The following NPEPPS variants were observed in gnomAD, a reference collection of about 807,000 sequenced individuals.
NPEPPS encodes puromycin-sensitive aminopeptidase.
A neutral mutation model predicts 115.5 loss-of-function variants in NPEPPS; 14 were observed. The ratio of observed to expected loss-of-function variants is 0.12; its 90% CI spans 0.08 to 0.19. The LOEUF (loss-of-function observed/expected upper bound fraction) is 0.19, where lower values mean the gene tolerates loss of function less well. Among genes scored for constraint, NPEPPS ranks in the 10% least tolerant of loss-of-function variants. The pLI is 1.00. For missense variants in NPEPPS, 523 were observed against 1,110.8 expected, an observed-to-expected ratio of 0.47 and a Z score of 7.52; for synonymous variants, 285 against 390.6, an observed-to-expected ratio of 0.73 and a Z score of 3.19.
chr17:47,544,368 A>G (rs531072684), intron 1 of NPEPPS, among the ~76,000 whole-genome samples: 2 of 152,198 alleles, frequency 1.3e-5, no homozygotes, highest in Non-Finnish European at 2.9e-5. Context: ...TTTTGACATA[A>G]TTTATAGTGT....
At chr17:47,609,169 C>G (rs1004058483) in intron 17 of NPEPPS, among the ~76,000 whole-genome samples, 2 of 152,044 alleles carry the variant, frequency 1.3e-5, no homozygotes, top group Non-Finnish European at 2.9e-5. Flanking sequence ...GGAGAAAATT[C>G]ATGTTTTGTG....
At chr17:47,614,956 T>C (rs1488770085) in intron 19 of NPEPPS, among the ~76,000 whole-genome samples, 1 of 152,198 alleles carries the variant, frequency 6.6e-6, no homozygotes, top group Non-Finnish European at 1.5e-5. Flanking sequence ...AATTCTGATA[T>C]TTTGGTTTTA....
At chr17:47,603,892 G>A in intron 15 of NPEPPS, 23 bp from the exon 16 acceptor site, 1 of 1,585,790 alleles carries the variant, frequency 6.3e-7, no homozygotes, top group Middle Eastern at 1.7e-4. Context: ...CTGTTTAATA[G>A]TACTTACTGG....
At chr17:47,575,128 C>T (rs1269646191) in intron 3 of NPEPPS, among the ~76,000 whole-genome samples, 1 of 152,172 alleles carries the variant, frequency 6.6e-6, no homozygotes, top group Non-Finnish European at 1.5e-5. Flanking sequence ...ATTTGAAATT[C>T]AAATGCTATG....
intron 2 of NPEPPS, among the ~76,000 whole-genome samples, chr17:47,569,046 T>TCTTTAA (rs1567851205): frequency 6.6e-6 from 1 of 152,220 alleles, no homozygotes; most frequent in Non-Finnish European, 1.5e-5. Flanking sequence ...CCTTGATGTA[T>TCTTTAA]CTTTAACACT....
chr17:47,612,600 C>A lies in NPEPPS; in HGVS notation c.2236C>A (p.Pro746Thr). The A allele has an allele frequency of 6.2e-7, 1 of 1,612,642 alleles. No individual in the cohort carries two copies. The highest frequency in any genetic ancestry group is 8.5e-7 in the Non-Finnish European group (1 of 1,179,414). ...KQILSADLRS[P>T]VYLTVLKHGD... The stretch of plus-strand genomic sequence containing the variant: ...GATTCTCTCCGCTGATCTGAGGAGT[C>A]CTGTAGGTTTTCATCATAAATTCCC... The change falls in exon 18 of 23, where the codon CCT (proline) becomes ACT (threonine). Residue 746 changes from proline (P) to threonine (T), a missense_variant and splice_region_variant. Transcript: ENST00000322157.
intron 10 of NPEPPS, among the ~76,000 whole-genome samples, chr17:47,591,325 C>T (rs970615536): frequency 1.7e-4 from 26 of 151,894 alleles, no homozygotes; most frequent in Admixed American, 1.5e-3. Flanking sequence ...GAGCCGAGAT[C>T]GTGCCATTGC....
chr17:47,616,928 C>G (rs1043764546), intron 19 of NPEPPS, among the ~76,000 whole-genome samples: 1 of 150,862 alleles, frequency 6.6e-6, no homozygotes, highest in Non-Finnish European at 1.5e-5. Context: ...TCCAGACACT[C>G]TGGTCAGTGT....
At chr17:47,568,898 G>A (rs1266314976) in intron 2 of NPEPPS, among the ~76,000 whole-genome samples, 3 of 150,282 alleles carry the variant, frequency 2.0e-5, no homozygotes, top group Admixed American at 6.6e-5. Context: ...CAGGTGACCC[G>A]CCTGCCTCGG....
chr17:47,575,843 C>T (rs1387921580), intron 3 of NPEPPS, among the ~76,000 whole-genome samples: 3 of 151,764 alleles, frequency 2.0e-5, no homozygotes, highest in South Asian at 2.1e-4. Flanking sequence ...CTCCTGACCT[C>T]GTGATCCGCC....
chr17:47,589,653 C>T (rs1912386762), intron 9 of NPEPPS, among the ~76,000 whole-genome samples: 1 of 152,158 alleles, frequency 6.6e-6, no homozygotes, highest in African/African-American at 2.4e-5. Flanking sequence ...TTATCTGTCA[C>T]TCATATTCTT....
chr17:47,575,843 C>G (rs1387921580), intron 3 of NPEPPS, among the ~76,000 whole-genome samples: 1 of 151,764 alleles, frequency 6.6e-6, no homozygotes, highest in African/African-American at 2.4e-5. Flanking sequence ...CTCCTGACCT[C>G]GTGATCCGCC....
intron 13 of NPEPPS, among the ~76,000 whole-genome samples, chr17:47,598,437 C>T (rs1443335874): frequency 6.6e-6 from 1 of 152,060 alleles, no homozygotes; most frequent in Non-Finnish European, 1.5e-5. Context: ...GATGGCAGCA[C>T]TGCAGTCCAT....
At chr17:47,536,704 C>CTTTTTTTT (rs572115219) in intron 1 of NPEPPS, among the ~76,000 whole-genome samples, 3 of 76,842 alleles carry the variant, frequency 3.9e-5, no homozygotes, top group Non-Finnish European at 6.9e-5. Context: ...TGCCTGGCTT[C>CTTTTTTTT]TTTTTTTTTT....
intron 2 of NPEPPS, among the ~76,000 whole-genome samples, chr17:47,548,777 A>G (rs1245482060): frequency 6.6e-6 from 1 of 151,298 alleles, no homozygotes; most frequent in Non-Finnish European, 1.5e-5. Flanking sequence ...GGGTTTCACC[A>G]TGTTTGTTAG....
chr17:47,600,628 TG>T (rs1457117920), intron 14 of NPEPPS, among the ~76,000 whole-genome samples: 2 of 152,204 alleles, frequency 1.3e-5, no homozygotes, highest in Non-Finnish European at 2.9e-5. Flanking sequence ...AATTTTACTT[TG>T]TGGTTTAACC....
At chr17:47,553,345 C>A (rs1241825509) in intron 2 of NPEPPS, among the ~76,000 whole-genome samples, 6 of 151,282 alleles carry the variant, frequency 4.0e-5, no homozygotes, top group African/African-American at 1.5e-4. Context: ...TGCACTCCAG[C>A]CTGGGGGACA....
exon 1 of NPEPPS, chr17:47,523,035 C>T: frequency 1.8e-6 from 2 of 1,102,456 alleles, no homozygotes; most frequent in Non-Finnish European, 2.7e-6. Context: ...TGTTCCTGGC[C>T]TTTGGAACCC....
chr17:47,560,601 G>A (rs1239705914), intron 2 of NPEPPS, among the ~76,000 whole-genome samples: 1 of 152,110 alleles, frequency 6.6e-6, no homozygotes, highest in Admixed American at 6.6e-5. Context: ...TAAGTTCCTG[G>A]TTCCATTTTT....
Sources: gnomAD v4.1 joint callset for allele counts (sites outside exome capture counted in the v4.1 genomes callset) on GRCh38, gnomAD v4.1.1 for gene constraint, MANE v1.5 for transcripts, NCBI Gene and HGNC (gene_info 2026-07-23, HGNC 2026-07-21) for gene names.